Variants in DPH6 observed in about 807,000 individuals in gnomAD.
The protein encoded by DPH6 is diphthamine biosynthesis 6.
In DPH6, 33 loss-of-function variants were observed where a neutral mutation model predicts 38.2. The observed-to-expected ratio is 0.86, with a 90% CI of 0.65 to 1.15. The LOEUF (loss-of-function observed/expected upper bound fraction) is 1.15, where lower values mean the gene tolerates loss of function less well. Among genes scored for constraint, DPH6 ranks in the 50% most tolerant of loss-of-function variants. The pLI, the probability that DPH6 is intolerant of heterozygous loss-of-function variation, is 0.00. For synonymous variants in DPH6, 108 were observed against 103.0 expected (o/e 1.05, Z -0.30); for missense variants, 325 against 320.0 (o/e 1.02, Z -0.12).
intron 3 of DPH6, among the ~76,000 whole-genome samples, chr15:35,228,389 CTG>C (rs1459938445): frequency 6.6e-6 from 1 of 152,120 alleles, no homozygotes; most frequent in Non-Finnish European, 1.5e-5. Context: ...TTATAATATT[CTG>C]TGTTTTTCTG....
the DPH6 span, among the ~76,000 whole-genome samples, chr15:35,178,001 T>C: frequency 6.6e-6 from 1 of 152,286 alleles, no homozygotes; most frequent in South Asian, 2.1e-4. Flanking sequence ...GGGATATAAT[T>C]TGATGTTTCA....
intron 6 of DPH6, among the ~76,000 whole-genome samples, chr15:35,402,642 T>A (rs1185217609): frequency 6.6e-6 from 1 of 152,074 alleles, no homozygotes; most frequent in Non-Finnish European, 1.5e-5. Context: ...CATTATATAA[T>A]CCATTATTTG....
At chr15:35,347,071 C>T (rs2052468005) in intron 3 of DPH6, among the ~76,000 whole-genome samples, 1 of 152,032 alleles carries the variant, frequency 6.6e-6, no homozygotes, top group Non-Finnish European at 1.5e-5. Context: ...TAATTATAGG[C>T]ATCTTGTTGT....
rs575313033 is a variant in DPH6 at position 35,289,424 on chromosome 15, G to A, written n.201-68842C>T. The stretch of plus-strand genomic sequence containing the variant: ...GGCCCAAATGTCACTGTCTAGATTA[G>A]GCTAAATGATACCTAGCACCGAAGA... On this transcript the variant is annotated intron_variant and non_coding_transcript_variant, in intron 3 of 3. Transcript: ENST00000560386. 5.9e-5 allele frequency among the ~76,000 whole-genome samples: 9 copies of A among 152,258 alleles called. No individual in the cohort carries two copies. The South Asian group carries it at 1.7e-3, about 28-fold the overall frequency.
chr15:35,428,878 T>G (rs1349206109), intron 5 of DPH6, among the ~76,000 whole-genome samples: 2 of 152,142 alleles, frequency 1.3e-5, no homozygotes, highest in Admixed American at 1.3e-4. Flanking sequence ...TGTGTCCCAC[T>G]TTTATGCAAT....
chr15:35,516,739 T>C (rs2054852910), intron 3 of DPH6, among the ~76,000 whole-genome samples: 1 of 152,188 alleles, frequency 6.6e-6, no homozygotes, highest in Non-Finnish European at 1.5e-5. Flanking sequence ...TTGGTCTCAC[T>C]CACTCACATG....
At chr15:35,436,307 A>C (rs1035883318) in intron 5 of DPH6, among the ~76,000 whole-genome samples, 2 of 151,292 alleles carry the variant, frequency 1.3e-5, no homozygotes, top group Admixed American at 1.3e-4. Flanking sequence ...TCTACTAAAA[A>C]TACAAAAAAT....
In DPH6 at chr15:35,459,016, A is replaced by C. The variant is rs2054030844; in HGVS notation, c.313-4196T>G. Among the ~76,000 whole-genome samples, 2 of 152,214 alleles carry C rather than the reference A, an allele frequency of 1.3e-5. 1 individual carries two copies. The highest frequency in any genetic ancestry group is 4.1e-4 in the South Asian group (2 of 4,832). On this transcript the variant is annotated intron_variant, in intron 3 of 8. Coordinates refer to ENST00000256538, the MANE Select transcript of DPH6 (RefSeq NM_080650.4). The stretch of plus-strand genomic sequence containing the variant: ...TACCTTAAATGACTATTAACTGAGA[A>C]AGAAAATATATACATGTTTTAAAAG...
chr15:35,434,439 A>C (rs1277641655), intron 5 of DPH6, among the ~76,000 whole-genome samples: 1 of 152,240 alleles, frequency 6.6e-6, no homozygotes, highest in Non-Finnish European at 1.5e-5. Flanking sequence ...GCAGTAAAAC[A>C]AAAAATTGAT....
chr15:35,492,795 C>T (rs947191707), intron 3 of DPH6, among the ~76,000 whole-genome samples: 1 of 152,052 alleles, frequency 6.6e-6, no homozygotes, highest in African/African-American at 2.4e-5. Flanking sequence ...TTCAAGAACA[C>T]AGAACTACTA....
intron 6 of DPH6, among the ~76,000 whole-genome samples, chr15:35,404,193 T>A (rs989605748): frequency 1.2e-4 from 18 of 152,104 alleles, no homozygotes; most frequent in African/African-American, 4.1e-4. Flanking sequence ...AACATGGGAG[T>A]GCAGATATAC....
At chr15:35,278,488 C>A (rs369919229) in intron 3 of DPH6, among the ~76,000 whole-genome samples, 213 of 152,352 alleles carry the variant, frequency 1.4e-3, no homozygotes, top group African/African-American at 5.0e-3. Context: ...ACTAGTAGGG[C>A]AGCACCAAGG....
At chr15:35,225,685 C>T (rs1291051038) in intron 3 of DPH6, among the ~76,000 whole-genome samples, 2 of 152,156 alleles carry the variant, frequency 1.3e-5, no homozygotes, top group Admixed American at 6.5e-5. Context: ...TTCTATTAAG[C>T]TATCGTATTT....
intron 3 of DPH6, among the ~76,000 whole-genome samples, chr15:35,473,007 A>T (rs1381590776): frequency 6.6e-6 from 1 of 152,158 alleles, no homozygotes; most frequent in Non-Finnish European, 1.5e-5. Context: ...CCTCAACTTA[A>T]AAGTTTCTTT....
chr15:35,480,508 C>T (rs1033492300), intron 3 of DPH6, among the ~76,000 whole-genome samples: 1 of 152,040 alleles, frequency 6.6e-6, no homozygotes, highest in African/African-American at 2.4e-5. Context: ...CTATCCCATA[C>T]CAGCTATATA....
chr15:35,154,548 T>C, the DPH6 span, among the ~76,000 whole-genome samples: 1 of 152,200 alleles, frequency 6.6e-6, no homozygotes, highest in African/African-American at 2.4e-5. Context: ...TTAAGCAGAC[T>C]GTCAGGCACA....
intron 3 of DPH6, chr15:35,519,030 C>G (rs1361570471): frequency 6.6e-6 from 1 of 151,710 alleles, no homozygotes; most frequent in Non-Finnish European, 1.5e-5. Context: ...CTTTCAGAAG[C>G]AAAATAAACT....
At chr15:35,486,269 C>T (rs968796826) in intron 3 of DPH6, among the ~76,000 whole-genome samples, 1 of 152,158 alleles carries the variant, frequency 6.6e-6, no homozygotes, top group East Asian at 1.9e-4. Context: ...ATCCAATTAT[C>T]TCCACCTGGT....
At chr15:35,159,815 A>G in the DPH6 span, among the ~76,000 whole-genome samples, 14 of 152,228 alleles carry the variant, frequency 9.2e-5, no homozygotes, top group Non-Finnish European at 1.6e-4. Flanking sequence ...GTGCCCATCA[A>G]TGGTGGACTG....
Sources: allele counts gnomAD v4.1 joint callset (sites outside exome capture counted in the v4.1 genomes callset), GRCh38; gene constraint gnomAD v4.1.1; transcripts MANE v1.5; gene names NCBI Gene and HGNC (gene_info 2026-07-23, HGNC 2026-07-21).